USP16: variants seen among roughly 807,000 people sequenced by gnomAD.
USP16 encodes the protein ubiquitin carboxyl-terminal hydrolase 16.
A neutral mutation model predicts 95.9 loss-of-function variants in USP16; 77 were observed. That is an observed-to-expected ratio of 0.80 (90% CI 0.67 to 0.97). USP16 has a LOEUF of 0.97. USP16 is among the 50% of genes least tolerant of loss of function. The pLI is 0.00. For synonymous variants in USP16, 303 were observed against 318.2 expected (o/e 0.95, Z 0.51); for missense variants, 943 against 959.9 (o/e 0.98, Z 0.23).
chr21:29,034,768 A>G (rs1025055138), intron 3 of USP16, 69 bp from the exon 4 acceptor site: 1 of 1,405,538 alleles, frequency 7.1e-7, no homozygotes, highest in Admixed American at 1.8e-5. Flanking sequence ...CTTGTTTATG[A>G]TAGATTATGC....
intron 14 of USP16, among the ~76,000 whole-genome samples, chr21:29,047,940 G>C (rs1405976354): frequency 2.0e-5 from 3 of 151,230 alleles, no homozygotes; most frequent in African/African-American, 7.3e-5. Flanking sequence ...TTATATGTGT[G>C]TGTATGTATA....
chr21:29,053,690 G>T, intron 16 of USP16, 112 bp from the exon 17 acceptor site: 1 of 1,059,228 alleles, frequency 9.4e-7, no homozygotes. Context: ...AATGATTTCT[G>T]CACTCTCAAA....
At chr21:29,029,787 G>A (rs975023754) in intron 2 of USP16, among the ~76,000 whole-genome samples, 9 of 152,120 alleles carry the variant, frequency 5.9e-5, no homozygotes, top group African/African-American at 1.7e-4. Flanking sequence ...CCCTGAGGTC[G>A]CAGTTTAAAG....
intron 16 of USP16, chr21:29,053,522 T>C: frequency 3.2e-6 from 1 of 314,580 alleles, no homozygotes; most frequent in Middle Eastern, 9.3e-4. Context: ...CTAAAGAAAC[T>C]GGCAAGTTGA....
intron 12 of USP16, 98 bp downstream of exon 12, chr21:29,042,626 A>C: frequency 9.6e-7 from 1 of 1,038,326 alleles, no homozygotes; most frequent in Non-Finnish European, 1.4e-6. Flanking sequence ...GTATATTACT[A>C]GCCCATGCAG....
chr21:29,041,894 G>A, intron 10 of USP16, 119 bp from the exon 11 acceptor site: 2 of 786,038 alleles, frequency 2.5e-6, no homozygotes, highest in South Asian at 1.8e-5. Context: ...GAAGAAGTCT[G>A]TGGGACAGGA....
chr21:29,035,746 C>T (rs2085145449), intron 4 of USP16, among the ~76,000 whole-genome samples: 1 of 151,786 alleles, frequency 6.6e-6, no homozygotes, highest in Admixed American at 6.6e-5. Context: ...GAAACCCCAT[C>T]TCTACTAAAA....
At chr21:29,042,739 T>A in intron 12 of USP16, 1 of 473,874 alleles carries the variant, frequency 2.1e-6, no homozygotes, top group East Asian at 3.9e-5. Context: ...GTATTCAGAA[T>A]TCTGTACAAG....
intron 5 of USP16, among the ~76,000 whole-genome samples, chr21:29,037,052 T>C (rs558240034): frequency 6.6e-6 from 1 of 152,380 alleles, no homozygotes; most frequent in African/African-American, 2.4e-5. Context: ...GTTTCATTTA[T>C]CAAACTAATG....
At chr21:29,039,681 T>C (rs1722049009) in intron 9 of USP16, 113 bp downstream of exon 9, 1 of 1,035,218 alleles carries the variant, frequency 9.7e-7, no homozygotes, top group Non-Finnish European at 1.3e-6. Flanking sequence ...CCATCATACT[T>C]TAAAATTTTT....
intron 1 of USP16, 81 bp from the exon 2 acceptor site, chr21:29,027,792 G>C: frequency 1.1e-6 from 1 of 907,018 alleles, no homozygotes; most frequent in Non-Finnish European, 1.8e-6. Context: ...AATATACGTG[G>C]CTTAGTTATA....
chr21:29,042,573 G>C (rs1185463910), intron 12 of USP16, 45 bp downstream of exon 12: 3 of 1,528,028 alleles, frequency 2.0e-6, no homozygotes, highest in South Asian at 2.4e-5. Context: ...TTTTTTTCCT[G>C]TAAGATTTTG....
chr21:29,046,328 G>C (rs923934279), intron 13 of USP16, among the ~76,000 whole-genome samples: 1 of 151,782 alleles, frequency 6.6e-6, no homozygotes, highest in African/African-American at 2.4e-5. Context: ...TTTTTTTAGA[G>C]ATGGGGTCTC....
Position 29,038,582 on chromosome 21 carries a change from T to G in USP16, c.732+152T>G, listed in dbSNP as rs2085197739. ...TTAAACAGTTTCAGGCTAATAGAAG[T>G]TATAAGGAGGCATTACATCTGTTTG... On this transcript the variant is annotated intron_variant, in intron 7 of 17. Transcript: ENST00000399976. 3.1e-6 allele frequency: 2 copies of G among 641,798 alleles called. 1 individual carries two copies. Among genetic ancestry groups the G allele is most frequent in the South Asian group, 4.2e-5 (2 of 47,740 alleles). 39.8% of individuals were successfully genotyped at this position (641,798 alleles called of 1,614,324 possible). A position where few individuals can be genotyped will look rare whatever the true frequency, so the allele number is the denominator to read the frequency against.
chr21:29,050,110 A>C lies in USP16; in HGVS notation c.2125A>C (p.Lys709Gln). The change falls in exon 16 of 18, where the codon AAA (lysine) becomes CAA (glutamine). Residue 709 changes from lysine to glutamine, a missense_variant. Lys to Gln is a moderately conservative substitution (Grantham distance 53). Transcript: ENST00000399976. ...CTTTTAGGCTGGTTTTAACCTACGC[A>C]AAGTTAACAAACACATAAAGTTTCC... Reference protein sequence around the residue: ...RFQQAGFNLRKVNKHIKFPEI... With the variant: ...RFQQAGFNLRQVNKHIKFPEI... The C allele has an allele frequency of 1.2e-6, 2 of 1,613,346 alleles. No individual in the cohort carries two copies. Among genetic ancestry groups the C allele is most frequent in the African/African-American group, 1.3e-5 (1 of 75,050 alleles).
At chr21:29,034,272 A>G (rs1457869107) in intron 3 of USP16, among the ~76,000 whole-genome samples, 1 of 151,826 alleles carries the variant, frequency 6.6e-6, no homozygotes, top group Non-Finnish European at 1.5e-5. Context: ...GGAAAGTTGG[A>G]CAAGAAGAGT....
rs771535036 is a variant in USP16, at chr21:29,048,788, C to T, written c.2039C>T (p.Ala680Val). ...GAAAGGAAGCATGTTTACACCAATG[C>T]CAAAAAGCAGATGCTAATTTCTCTT... ...KGERKHVYTN[A>V]KKQMLISLAP... The change falls in exon 15 of 18, where the codon GCC (alanine) becomes GTC (valine). Residue 680 changes from alanine to valine, a missense_variant. Coordinates refer to ENST00000399976, the MANE Select transcript of USP16 (RefSeq NM_006447.3). The T allele has an allele frequency of 1.2e-6, 2 of 1,613,690 alleles. No individual in the cohort carries two copies. The highest frequency in any genetic ancestry group is 1.7e-5 in the Admixed American group (1 of 59,984).
At position 29,048,048 on chromosome 21, in the gene USP16, C is replaced by CGTGTGTGTGT. The variant is rs67919060; in HGVS notation, c.2012-672_2012-663dup. 2.9e-3 allele frequency among the ~76,000 whole-genome samples: 363 copies of CGTGTGTGTGT among 123,790 alleles called. 2 individuals are homozygous for CGTGTGTGTGT. The highest frequency in any genetic ancestry group is 4.7e-3 in the South Asian group (16 of 3,404). 81.2% of individuals were successfully genotyped at this position (123,790 alleles called of 152,430 possible). ...TATATATATCAGCTCAGAGACGATA[C>CGTGTGTGTGT]GTGTGTGTGTGTGTGTGTGTGTGTG... On this transcript the variant is annotated intron_variant, in intron 14 of 17. Transcript: ENST00000399976.
At chr21:29,043,676 G>T in intron 13 of USP16, 77 bp downstream of exon 13, 1 of 1,283,758 alleles carries the variant, frequency 7.8e-7, no homozygotes. Context: ...GAATGACATT[G>T]GTTAGACATG....
Sources: gnomAD v4.1 joint callset for allele counts (sites outside exome capture counted in the v4.1 genomes callset) on GRCh38, gnomAD v4.1.1 for gene constraint, MANE v1.5 for transcripts, NCBI Gene and HGNC (gene_info 2026-07-23, HGNC 2026-07-21) for gene names.